The following PCNT variants were observed in gnomAD, a reference collection of about 807,000 sequenced individuals.
PCNT encodes the protein pericentrin.
PCNT carries 319 observed loss-of-function variants against 380.4 expected under a neutral mutation model. The ratio of observed to expected loss-of-function variants is 0.84; its 90% CI spans 0.77 to 0.92. The LOEUF (loss-of-function observed/expected upper bound fraction) is 0.92, where lower values mean the gene tolerates loss of function less well. PCNT is among the 40% of genes least tolerant of loss of function. The pLI, the probability that PCNT is intolerant of heterozygous loss-of-function variation, is 0.00. For synonymous variants in PCNT, 1,845 were observed against 1,735.2 expected (o/e 1.06, Z -1.57); for missense variants, 4,400 against 4,255.3 (o/e 1.03, Z -0.95).
intron 39 of PCNT, 25 bp from the exon 40 acceptor site, chr21:46,436,954 T>C (rs747946422): frequency 6.4e-7 from 1 of 1,558,052 alleles, no homozygotes; most frequent in Non-Finnish European, 8.9e-7. Context: ...CGTATGCAAC[T>C]TTGAGTGCCC....
intron 32 of PCNT, among the ~76,000 whole-genome samples, chr21:46,424,703 G>T (rs2087414921): frequency 2.8e-5 from 1 of 35,680 alleles, no homozygotes; most frequent in Non-Finnish European, 5.4e-5. Flanking sequence ...CCCCGGCCCT[G>T]CTCCCACTGC....
In PCNT at chr21:46,438,217, C is replaced by T. The variant is rs1385606108; in HGVS notation, c.9153C>T (p.Asp3051=). 2 of 1,614,136 alleles carry T rather than the reference C, an allele frequency of 1.2e-6. No homozygotes were observed. The highest frequency in any genetic ancestry group is 1.7e-6 in the Non-Finnish European group (2 of 1,179,958). Residue 3051 remains aspartate (D), a synonymous_variant, in exon 41 of 47, where the codon GAC becomes GAT. Coordinates refer to ENST00000359568, the MANE Select transcript of PCNT (RefSeq NM_006031.6). ...AGTTTGTGGACGTCCTGCTGAAAGACAATGTTTCCCTCACAAAAGCGCTCA... is the reference window on the plus strand; with the variant it reads ...AGTTTGTGGACGTCCTGCTGAAAGATAATGTTTCCCTCACAAAAGCGCTCA... ...QFQFVDVLLK[D]NVSLTKALST...
chr21:46,434,732 G>A (rs184687482), intron 38 of PCNT, among the ~76,000 whole-genome samples: 2 of 152,240 alleles, frequency 1.3e-5, no homozygotes, highest in Non-Finnish European at 2.9e-5. Flanking sequence ...AGGAGCTCAG[G>A]CCCACGTGGC....
Position 46,388,164 on chromosome 21 carries a change from C to T in PCNT, c.3465-578C>T, listed in dbSNP as rs1455375774. Among the ~76,000 whole-genome samples, 4 of 151,618 alleles carry T rather than the reference C, an allele frequency of 2.6e-5. No homozygotes were observed. Among genetic ancestry groups the T allele is most frequent in the Admixed American group, 6.6e-5 (1 of 15,228 alleles). ...GGTGGAGCTTGCAGTGAGCCAAGAT[C>T]GTGCCACTGCACTCCAGCCTGGGCG... On this transcript the variant is annotated intron_variant, in intron 17 of 46. Transcript: ENST00000359568. This position sits in a 1 kb window ranked among gnomAD's most constrained non-coding sequence, Gnocchi z 4.2.
chr21:46,424,256 T>C (rs995053037), intron 32 of PCNT, among the ~76,000 whole-genome samples: 1 of 152,206 alleles, frequency 6.6e-6, no homozygotes, highest in Admixed American at 6.5e-5. Flanking sequence ...TGCCTGGAAT[T>C]GAGCCATAAG....
chr21:46,365,984 A>G (rs141305592), intron 14 of PCNT, among the ~76,000 whole-genome samples: 2,958 of 136,810 alleles, frequency 0.022, 54 homozygotes, highest in Middle Eastern at 0.047. Flanking sequence ...ATGGGGTTCT[A>G]GTCACTGCCG....
intron 38 of PCNT, among the ~76,000 whole-genome samples, chr21:46,433,913 A>G (rs1485440938): frequency 1.3e-5 from 2 of 152,178 alleles, no homozygotes; most frequent in African/African-American, 4.8e-5. Flanking sequence ...CTGGGATTAC[A>G]GGTGCATGTC....
intron 32 of PCNT, among the ~76,000 whole-genome samples, chr21:46,422,528 A>T (rs987375904): frequency 7.2e-5 from 11 of 152,158 alleles, no homozygotes; most frequent in African/African-American, 2.7e-4. Context: ...GAGAGAAGCC[A>T]CTCAGCCTCC....
chr21:46,435,806 T>C (rs2053423009), intron 38 of PCNT, 98 bp from the exon 39 acceptor site: 31 of 1,429,722 alleles, frequency 2.2e-5, no homozygotes, highest in Non-Finnish European at 2.8e-5. Context: ...CCTCCCAAAG[T>C]GCTAGGATTA....
rs765306519 is a variant in PCNT, at chr21:46,444,736, T to A, written c.9882T>A (p.Thr3294=). The A allele has an allele frequency of 6.2e-7, 1 of 1,613,292 alleles. No homozygotes were observed. The highest frequency in any genetic ancestry group is 8.5e-7 in the Non-Finnish European group (1 of 1,179,490). ...ATTCAAGATTAGAAAGATCCCTGACTGCTTCTCAAGATCCAGAACATTCCT... is the reference window on the plus strand; with the variant it reads ...ATTCAAGATTAGAAAGATCCCTGACAGCTTCTCAAGATCCAGAACATTCCT... ...SPNSRLERSL[T]ASQDPEHSLT... Residue 3294 remains threonine (T), a synonymous_variant, in exon 46 of 47, where the codon ACT becomes ACA. Transcript: ENST00000359568.
Position 46,386,030 on chromosome 21 carries a change from C to T in PCNT, c.3464+47C>T, listed in dbSNP as rs745534544. On this transcript the variant is annotated intron_variant, in intron 17 of 46. Coordinates refer to ENST00000359568, the MANE Select transcript of PCNT (RefSeq NM_006031.6). ...AGGCTGCCTTGTGGCCGCCAGCACC[C>T]GCTGGGTCATGCAGATGCCATTGGT... 5.3e-5 allele frequency: 86 copies of T among 1,609,112 alleles called. No homozygotes were observed. In the South Asian group the frequency reaches 7.5e-4, roughly 14 times the overall value.
Position 46,346,901 on chromosome 21 carries a change from C to T in PCNT, c.879C>T (p.Ala293=), listed in dbSNP as rs2084089858. Residue 293 remains alanine, a synonymous_variant, in exon 5 of 47, where the codon GCC becomes GCT. Transcript: ENST00000359568. ...ACAGCCGGCGTGCCCAGGAGCTGGCCCTGCTACAGAGCAGGCAGCAGCACG... is the reference window on the plus strand; with the variant it reads ...ACAGCCGGCGTGCCCAGGAGCTGGCTCTGCTACAGAGCAGGCAGCAGCACG... ...MLNSRRAQEL[A]LLQSRQQHEL... 3.1e-6 allele frequency: 5 copies of T among 1,604,946 alleles called. No homozygotes were observed. The highest frequency in any genetic ancestry group is 4.2e-6 in the Non-Finnish European group (5 of 1,176,770).
chr21:46,422,284 C>T (rs1156381204), intron 32 of PCNT, among the ~76,000 whole-genome samples, 160 bp downstream of exon 32: 5 of 152,204 alleles, frequency 3.3e-5, no homozygotes, highest in African/African-American at 9.6e-5. Context: ...GGCAGCCCCA[C>T]GGTGGCCCCG....
At chr21:46,346,530 C>G (rs1219678724) in intron 4 of PCNT, among the ~76,000 whole-genome samples, 2 of 152,158 alleles carry the variant, frequency 1.3e-5, no homozygotes, top group Non-Finnish European at 2.9e-5. Flanking sequence ...TGCTGGTGCT[C>G]AGGGCAGTGA....
At position 46,353,760 on chromosome 21, in the gene PCNT, CAGAG is replaced by C. The variant is rs200721092; in HGVS notation, c.1680-220_1680-217del. ...TGTGTGTGTGTGTGTGTGAGAGAGACAGAGAGAGAGTCAGTGGCGGGCACACTTT... is the reference window on the plus strand; with the variant it reads ...TGTGTGTGTGTGTGTGTGAGAGAGACAGAGAGTCAGTGGCGGGCACACTTT... On this transcript the variant is annotated intron_variant, in intron 10 of 46. Coordinates refer to ENST00000359568, the MANE Select transcript of PCNT (RefSeq NM_006031.6). Among the ~76,000 whole-genome samples the C allele has an allele frequency of 0.054, 7,043 of 129,558 alleles. 223 individuals are homozygous for C. Among genetic ancestry groups the C allele is most frequent in the Non-Finnish European group, 0.068 (4,239 of 62,704 alleles). The allele number at this position is 129,558 out of a possible 152,430, so 85.0% of individuals were successfully genotyped here.
chr21:46,387,404 G>C (rs956692773), intron 17 of PCNT, among the ~76,000 whole-genome samples: 1 of 152,176 alleles, frequency 6.6e-6, no homozygotes. Flanking sequence ...CCAGTGGGGC[G>C]GTCTGTGCTC....
chr21:46,379,211 G>A (rs757085325), intron 15 of PCNT, among the ~76,000 whole-genome samples: 3 of 152,212 alleles, frequency 2.0e-5, no homozygotes, highest in East Asian at 1.9e-4. Context: ...TGGGCTCTCC[G>A]CTGCCTCCCC....
chr21:46,333,296 G>A (rs1330014304), intron 2 of PCNT, among the ~76,000 whole-genome samples: 1 of 152,084 alleles, frequency 6.6e-6, no homozygotes, highest in Non-Finnish European at 1.5e-5. Context: ...GCTGGGCATG[G>A]TGGCACGCGC....
chr21:46,329,752 G>A (rs773486564), intron 2 of PCNT, among the ~76,000 whole-genome samples: 1 of 152,192 alleles, frequency 6.6e-6, no homozygotes, highest in Non-Finnish European at 1.5e-5. Flanking sequence ...AAAGCATTCT[G>A]TTACTTATAA....
Sources: allele counts gnomAD v4.1 joint callset (sites outside exome capture counted in the v4.1 genomes callset), GRCh38; gene constraint gnomAD v4.1.1; non-coding constraint Gnocchi (gnomAD v3.1); transcripts MANE v1.5; gene names NCBI Gene and HGNC (gene_info 2026-07-23, HGNC 2026-07-21).